The following GALNT17 variants were observed in gnomAD, a reference collection of about 807,000 sequenced individuals.
GALNT17 encodes the protein UDP-GalNAc:polypeptide N-acetylgalactosaminyltransferase-like 3.
Under a neutral mutation model 63.7 loss-of-function variants are expected in GALNT17, and 29 were observed. That is an observed-to-expected ratio of 0.46 (90% CI 0.34 to 0.62). The LOEUF (loss-of-function observed/expected upper bound fraction) is 0.62. Ranked by LOEUF, GALNT17 falls within the 20% of genes least tolerant of loss-of-function variation. The probability of loss-of-function intolerance (pLI) is 0.01; values close to 1 mark genes in which losing one functional copy is unlikely to be tolerated. For synonymous variants in GALNT17, 305 were observed against 318.3 expected (o/e 0.96, Z 0.45); for missense variants, 603 against 799.6 (o/e 0.75, Z 2.97).
intron 6 of GALNT17, among the ~76,000 whole-genome samples, chr7:71,600,763 C>CTT (rs71089964): frequency 0.27 from 40,932 of 151,426 alleles, 5,757 homozygotes; most frequent in African/African-American, 0.3. Context: ...TTTTTTCACT[C>CTT]TTTTTTTTAT....
intron 5 of GALNT17, among the ~76,000 whole-genome samples, chr7:71,561,117 A>T (rs1384239462): frequency 6.6e-6 from 1 of 152,118 alleles, no homozygotes; most frequent in African/African-American, 2.4e-5. Context: ...GGTTCAAGCG[A>T]TTCGCCTGAC....
At chr7:71,435,083 T>C (rs1003891868) in intron 5 of GALNT17, among the ~76,000 whole-genome samples, 1 of 152,118 alleles carries the variant, frequency 6.6e-6, no homozygotes, top group Non-Finnish European at 1.5e-5. Flanking sequence ...TCCCAGCATT[T>C]TGGGAGGCTG....
intron 1 of GALNT17, among the ~76,000 whole-genome samples, chr7:71,275,431 AG>A (rs1016356891): frequency 6.6e-6 from 1 of 152,180 alleles, no homozygotes. Flanking sequence ...GCAAATTCCC[AG>A]GCCCCACCTT....
Position 71,302,585 on chromosome 7 carries a change from C to G in GALNT17, c.239-32965C>G, listed in dbSNP as rs1402532751. 3.9e-5 allele frequency among the ~76,000 whole-genome samples: 6 copies of G among 152,274 alleles called. No homozygotes were observed. In the South Asian group the frequency reaches 1.2e-3, roughly 32 times the overall value. ...GGACCTAGGTCTCCTTGTCTGTTGC[C>G]TCTGAGCTCAGGCACTGTAATCTCA... is the stretch of plus-strand genomic sequence containing the variant. On this transcript the variant is annotated intron_variant, in intron 1 of 10. Transcript: ENST00000333538.
At chr7:71,567,108 G>T (rs1244404228) in intron 5 of GALNT17, among the ~76,000 whole-genome samples, 1 of 152,154 alleles carries the variant, frequency 6.6e-6, no homozygotes, top group African/African-American at 2.4e-5. Context: ...CCTGGCTTGG[G>T]ATCAGTGCTC....
At chr7:71,352,061 A>G (rs114130017) in intron 2 of GALNT17, among the ~76,000 whole-genome samples, 4,056 of 152,166 alleles carry the variant, frequency 0.027, 196 homozygotes, top group African/African-American at 0.092. Context: ...CTTGAATTGT[A>G]GCTCTCATAA....
intron 6 of GALNT17, among the ~76,000 whole-genome samples, chr7:71,663,015 T>TTA (rs1258994873): frequency 3.0e-4 from 45 of 152,306 alleles, no homozygotes; most frequent in Admixed American, 8.5e-4. Flanking sequence ...TGACCATAAG[T>TTA]GTGAGAGTTT....
intron 1 of GALNT17, among the ~76,000 whole-genome samples, chr7:71,197,660 C>G (rs966316416): frequency 2.6e-5 from 4 of 152,056 alleles, no homozygotes; most frequent in Admixed American, 1.3e-4. Flanking sequence ...TCAACTGTTT[C>G]AATTTTTAGC....
chr7:71,348,785 C>G (rs369065928), intron 2 of GALNT17, among the ~76,000 whole-genome samples: 6 of 152,146 alleles, frequency 3.9e-5, no homozygotes, highest in Admixed American at 2.0e-4. Flanking sequence ...ATCTAATATT[C>G]AGAAATCCTC....
chr7:71,354,012 G>A (rs1415956593), intron 2 of GALNT17, among the ~76,000 whole-genome samples: 1 of 150,188 alleles, frequency 6.7e-6, no homozygotes, highest in Non-Finnish European at 1.5e-5. Context: ...GCAGGATCAA[G>A]AGAGAGAGAG....
intron 1 of GALNT17, among the ~76,000 whole-genome samples, chr7:71,260,568 C>T (rs1178674318): frequency 6.6e-6 from 1 of 151,730 alleles, no homozygotes. Flanking sequence ...AGGAGTTTTA[C>T]TCCTTGAGAC....
At chr7:71,586,076 T>G (rs2116908287) in intron 6 of GALNT17, among the ~76,000 whole-genome samples, 1 of 152,114 alleles carries the variant, frequency 6.6e-6, no homozygotes, top group East Asian at 1.9e-4. Flanking sequence ...CCTGGCTAAT[T>G]TTTGTATTTT....
At chr7:71,695,533 G>T (rs371172642) in intron 9 of GALNT17, among the ~76,000 whole-genome samples, 1 of 152,092 alleles carries the variant, frequency 6.6e-6, no homozygotes, top group Non-Finnish European at 1.5e-5. Flanking sequence ...ATATGGAAGC[G>T]TAAGGTAAAT....
intron 1 of GALNT17, among the ~76,000 whole-genome samples, chr7:71,320,559 G>C (rs776727620): frequency 6.6e-6 from 1 of 152,142 alleles, no homozygotes; most frequent in Non-Finnish European, 1.5e-5. Context: ...CATCAGATAA[G>C]TTCTTAAAGG....
At chr7:71,247,517 C>T (rs1038413097) in intron 1 of GALNT17, among the ~76,000 whole-genome samples, 6 of 152,076 alleles carry the variant, frequency 3.9e-5, no homozygotes, top group African/African-American at 1.2e-4. Context: ...AGTGCAGTGG[C>T]GCAATCTCGG....
chr7:71,712,246 C>A lies in GALNT17; in HGVS notation c.*100C>A. On this transcript the variant is annotated 3_prime_UTR_variant, in exon 11 of 11. Coordinates refer to ENST00000333538, the MANE Select transcript of GALNT17 (RefSeq NM_022479.3). ...TGGCGGAGAGACAGCAAGGGGCCGG[C>A]AGGTGCTCGATGGGCCCCCCAGGGC... 1 of 1,505,058 alleles carries A rather than the reference C, an allele frequency of 6.6e-7. No individual in the cohort carries two copies. The allele number at this position is 1,505,058 out of a possible 1,614,324, so 93.2% of individuals were successfully genotyped here. A position where few individuals can be genotyped will look rare whatever the true frequency, so the allele number is the denominator to read the frequency against.
intron 1 of GALNT17, among the ~76,000 whole-genome samples, chr7:71,167,357 C>T (rs184103513): frequency 1.6e-4 from 24 of 152,154 alleles, no homozygotes; most frequent in African/African-American, 4.3e-4. Context: ...TGATGTTGAT[C>T]GTATTTTTAT....
intron 1 of GALNT17, among the ~76,000 whole-genome samples, chr7:71,168,841 T>G (rs1051542531): frequency 1.3e-5 from 2 of 152,162 alleles, no homozygotes; most frequent in African/African-American, 4.8e-5. Flanking sequence ...CATTTCTGTG[T>G]GAATTTTGGG....
chr7:71,508,327 A>G (rs1245875315), intron 5 of GALNT17, among the ~76,000 whole-genome samples: 1 of 152,224 alleles, frequency 6.6e-6, no homozygotes, highest in Non-Finnish European at 1.5e-5. Flanking sequence ...TCCTGGATCT[A>G]AGCTTTGGCA....
Sources: gnomAD v4.1 joint callset for allele counts (sites outside exome capture counted in the v4.1 genomes callset) on GRCh38, gnomAD v4.1.1 for gene constraint, MANE v1.5 for transcripts, NCBI Gene and HGNC (gene_info 2026-07-23, HGNC 2026-07-21) for gene names.